Variants in CACNA2D1 observed in about 807,000 individuals in gnomAD.
CACNA2D1 encodes the protein voltage-dependent calcium channel subunit alpha-2/delta-1.
A neutral mutation model predicts 171.5 loss-of-function variants in CACNA2D1; 53 were observed. The observed-to-expected ratio is 0.31, with a 90% CI of 0.25 to 0.39. The LOEUF (loss-of-function observed/expected upper bound fraction) is 0.39. Among genes scored for constraint, CACNA2D1 ranks in the 10% least tolerant of loss-of-function variants. The probability of loss-of-function intolerance (pLI) is 1.00; values close to 1 mark genes in which losing one functional copy is unlikely to be tolerated. For synonymous variants in CACNA2D1, 442 were observed against 443.1 expected (o/e 1.00, Z 0.03); for missense variants, 903 against 1,299.8 (o/e 0.69, Z 4.69).
At chr7:82,434,807 A>G (rs1421194866) in intron 1 of CACNA2D1, among the ~76,000 whole-genome samples, 1 of 152,050 alleles carries the variant, frequency 6.6e-6, no homozygotes, top group Non-Finnish European at 1.5e-5. Flanking sequence ...CTGACACGCT[A>G]CTTAGACTTC....
At chr7:82,211,861 C>G (rs1354860931) in intron 3 of CACNA2D1, among the ~76,000 whole-genome samples, 2 of 152,126 alleles carry the variant, frequency 1.3e-5, no homozygotes, top group African/African-American at 2.4e-5. Context: ...TGCAACCTCA[C>G]CAAACACCTG....
At chr7:82,310,965 G>C (rs1490591042) in intron 3 of CACNA2D1, among the ~76,000 whole-genome samples, 1 of 152,114 alleles carries the variant, frequency 6.6e-6, no homozygotes, top group Non-Finnish European at 1.5e-5. Flanking sequence ...GCATCCAAAA[G>C]AGAGACAATC....
chr7:81,963,355 CA>C (rs964566934), intron 34 of CACNA2D1, among the ~76,000 whole-genome samples: 3 of 149,464 alleles, frequency 2.0e-5, no homozygotes, highest in East Asian at 2.0e-4. Flanking sequence ...TGTGATGATA[CA>C]AAAAAAAAGA....
chr7:82,117,436 G>C (rs1288413799), intron 5 of CACNA2D1, among the ~76,000 whole-genome samples: 1 of 151,986 alleles, frequency 6.6e-6, no homozygotes, highest in Non-Finnish European at 1.5e-5. Flanking sequence ...ATCATCTTTG[G>C]GGGACGAGGG....
In CACNA2D1 at chr7:81,965,600, A is replaced by T; in HGVS notation, c.2568T>A (p.Thr856=). The T allele has an allele frequency of 6.5e-7, 1 of 1,536,496 alleles. No individual in the cohort carries two copies. Among genetic ancestry groups the T allele is most frequent in the Non-Finnish European group, 9.0e-7 (1 of 1,109,928 alleles). ...TCTTATTTGAGGTACATACCTGATT[A>T]GTATAATCATCATGATTTGCCATCA... ...FLLMANHDDY[T]NQIGRFFGEI... Residue 856 remains threonine (T), a synonymous_variant, in exon 32 of 39, where the codon ACT becomes ACA. Coordinates refer to ENST00000356860, the MANE Select transcript of CACNA2D1 (RefSeq NM_000722.4).
chr7:82,014,202 T>C (rs993037189), intron 13 of CACNA2D1, among the ~76,000 whole-genome samples, 199 bp downstream of exon 13: 2 of 152,184 alleles, frequency 1.3e-5, no homozygotes, highest in African/African-American at 4.8e-5. Flanking sequence ...TATAATCAGA[T>C]ATCAGAATTT....
intron 7 of CACNA2D1, among the ~76,000 whole-genome samples, chr7:82,076,809 T>G (rs1443293009): frequency 6.6e-6 from 1 of 152,180 alleles, no homozygotes; most frequent in East Asian, 1.9e-4. Flanking sequence ...AATATTACTT[T>G]TTCTATAACA....
chr7:81,960,308 G>A (rs1793953674), intron 36 of CACNA2D1, among the ~76,000 whole-genome samples: 1 of 152,064 alleles, frequency 6.6e-6, no homozygotes, highest in Non-Finnish European at 1.5e-5. Flanking sequence ...TGTTCGCACT[G>A]TCCAATATGG....
chr7:82,117,209 T>C, intron 5 of CACNA2D1, 36 bp from the exon 6 acceptor site: 1 of 1,604,016 alleles, frequency 6.2e-7, no homozygotes, highest in Non-Finnish European at 8.5e-7. Flanking sequence ...TATTACAATT[T>C]TTGCTAACAT....
chr7:82,101,558 C>T (rs1322642647), intron 6 of CACNA2D1, among the ~76,000 whole-genome samples: 1 of 152,050 alleles, frequency 6.6e-6, no homozygotes, highest in African/African-American at 2.4e-5. Context: ...AATAGTCATA[C>T]TTAGTCCATT....
At chr7:82,443,818 C>CGAGGCGAAGGCG (rs1563561131), upstream of CACNA2D1, 2 of 731,096 alleles carry the variant, frequency 2.7e-6, no homozygotes, top group African/African-American at 1.9e-5. Context: ...CCCCGATTGC[C>CGAGGCGAAGGCG]GAGGCGAAGG....
intron 4 of CACNA2D1, among the ~76,000 whole-genome samples, chr7:82,167,078 C>A (rs1296299714): frequency 6.6e-6 from 1 of 151,908 alleles, no homozygotes; most frequent in Non-Finnish European, 1.5e-5. Flanking sequence ...GTTAATGTAC[C>A]TTTTAGGAAA....
At chr7:81,988,808 T>C (rs1797234048) in intron 21 of CACNA2D1, among the ~76,000 whole-genome samples, 3 of 152,170 alleles carry the variant, frequency 2.0e-5, no homozygotes, top group Non-Finnish European at 4.4e-5. Context: ...AAGCTGATGA[T>C]TCAGAAGTAA....
At chr7:82,085,686 GTTT>G (rs199517326) in intron 6 of CACNA2D1, among the ~76,000 whole-genome samples, 1 of 147,438 alleles carries the variant, frequency 6.8e-6, no homozygotes, top group Admixed American at 6.8e-5. Flanking sequence ...ATAAACAATA[GTTT>G]TTTTTTTTCT....
chr7:82,105,406 T>A, intron 6 of CACNA2D1, among the ~76,000 whole-genome samples: 1 of 147,942 alleles, frequency 6.8e-6, no homozygotes, highest in South Asian at 2.1e-4. Context: ...GTCTTTTTTT[T>A]TTTTTTTTTT....
Position 82,007,662 on chromosome 7 carries a change from A to G in CACNA2D1, c.1440+17T>C. 2.4e-6 allele frequency: 3 copies of G among 1,273,770 alleles called. No homozygotes were observed. The South Asian group carries it at 3.6e-5, about 15-fold the overall frequency. The allele number at this position is 1,273,770 out of a possible 1,614,324, so 78.9% of individuals were successfully genotyped here. ...TTTGTCATTTATTATTATTAATTTT[A>G]TCAATTAACTTTTAACCTTTAAGTT... On this transcript the variant is annotated intron_variant, in intron 16 of 38. Coordinates refer to ENST00000356860, the MANE Select transcript of CACNA2D1 (RefSeq NM_000722.4).
At chr7:82,057,105 C>G (rs2131354342) in intron 10 of CACNA2D1, among the ~76,000 whole-genome samples, 1 of 152,246 alleles carries the variant, frequency 6.6e-6, no homozygotes, top group East Asian at 1.9e-4. Context: ...GTGCTATGTG[C>G]TGAAGCCAGC....
intron 24 of CACNA2D1, among the ~76,000 whole-genome samples, chr7:81,980,992 G>C (rs1210772279): frequency 6.6e-6 from 1 of 152,162 alleles, no homozygotes; most frequent in Non-Finnish European, 1.5e-5. Context: ...TCCATGAGAT[G>C]TGTCTCATAT....
chr7:81,976,348 C>T (rs1365442793), intron 24 of CACNA2D1, among the ~76,000 whole-genome samples: 1 of 152,138 alleles, frequency 6.6e-6, no homozygotes, highest in Non-Finnish European at 1.5e-5. Flanking sequence ...TGGCCATTTT[C>T]ATGATATTGA....
Sources: gnomAD v4.1 joint callset for allele counts (sites outside exome capture counted in the v4.1 genomes callset) on GRCh38, gnomAD v4.1.1 for gene constraint, MANE v1.5 for transcripts, NCBI Gene and HGNC (gene_info 2026-07-23, HGNC 2026-07-21) for gene names.